GPC5: variants seen among roughly 807,000 people sequenced by gnomAD.
The protein encoded by GPC5 is glypican-5.
In GPC5, 47 loss-of-function variants were observed where a neutral mutation model predicts 53.9. The observed-to-expected ratio is 0.87, with a 90% CI of 0.69 to 1.11. The LOEUF is 1.11. Ranked by LOEUF, GPC5 falls within the 50% of genes most tolerant of loss-of-function variation. GPC5 has a pLI of 0.00. For missense variants in GPC5, 748 were observed against 713.1 expected (o/e 1.05, Z -0.56); for synonymous variants, 286 against 263.3 (o/e 1.09, Z -0.84).
At chr13:91,588,872 G>T (rs904810173) in intron 2 of GPC5, among the ~76,000 whole-genome samples, 4 of 152,082 alleles carry the variant, frequency 2.6e-5, no homozygotes, top group Non-Finnish European at 5.9e-5. Flanking sequence ...TGGAGCTGCT[G>T]TGTCATTGTC....
chr13:91,619,162 G>A (rs113477475), intron 2 of GPC5, among the ~76,000 whole-genome samples: 23 of 152,042 alleles, frequency 1.5e-4, no homozygotes, highest in African/African-American at 4.6e-4. Flanking sequence ...AGAGGAAATC[G>A]AATATGAGCT....
At position 91,764,430 on chromosome 13, in the gene GPC5, T is replaced by C. The variant is rs2138672375; in HGVS notation, c.1280+8010T>C. Among the ~76,000 whole-genome samples, 2 of 152,332 alleles carry C rather than the reference T, an allele frequency of 1.3e-5. 1 individual carries two copies. ...TCAGAAAGCCAGACTCAGAAAGGTC[T>C]GAGTAGAAACATTAAATCCTCTAGG... On this transcript the variant is annotated intron_variant, in intron 5 of 7. Coordinates refer to ENST00000377067, the MANE Select transcript of GPC5 (RefSeq NM_004466.6).
intron 6 of GPC5, among the ~76,000 whole-genome samples, chr13:92,074,077 A>T (rs2041234180): frequency 6.6e-6 from 1 of 152,062 alleles, no homozygotes; most frequent in African/African-American, 2.4e-5. Context: ...AATTTTGTGA[A>T]CAGCTGGTGT....
At chr13:92,139,836 A>G (rs947747006) in intron 6 of GPC5, among the ~76,000 whole-genome samples, 2 of 152,120 alleles carry the variant, frequency 1.3e-5, no homozygotes, top group Non-Finnish European at 2.9e-5. Flanking sequence ...TCCATTAGAT[A>G]TAGAGGGCAT....
chr13:92,595,070 T>TG (rs1883826142), intron 7 of GPC5, among the ~76,000 whole-genome samples: 1 of 152,192 alleles, frequency 6.6e-6, no homozygotes, highest in South Asian at 2.1e-4. Flanking sequence ...GTTTTCCAAA[T>TG]CATTACCTAG....
rs540378004 is a variant in GPC5, at chr13:92,855,767, C to A, written c.1562-10515C>A. On this transcript the variant is annotated intron_variant, in intron 7 of 7. Coordinates refer to ENST00000377067, the MANE Select transcript of GPC5 (RefSeq NM_004466.6). ...AAAATCTTGAGAAAATGGATAAATT[C>A]CTAGAAACACACCACCTCCCAAGAT... 3.3e-5 allele frequency among the ~76,000 whole-genome samples: 5 copies of A among 152,042 alleles called. No individual in the cohort carries two copies. The South Asian group carries it at 1.0e-3, about 32-fold the overall frequency.
At chr13:92,218,979 C>A (rs141662741) in intron 7 of GPC5, among the ~76,000 whole-genome samples, 1 of 152,130 alleles carries the variant, frequency 6.6e-6, no homozygotes, top group East Asian at 1.9e-4. Context: ...TCAGGCCCAA[C>A]GTTAAAGGAA....
At chr13:92,068,922 A>G (rs2041188395) in intron 6 of GPC5, among the ~76,000 whole-genome samples, 5 of 151,774 alleles carry the variant, frequency 3.3e-5, no homozygotes, top group Admixed American at 3.3e-4. Context: ...GTTGCTTGTA[A>G]TTTGGTGTCA....
intron 5 of GPC5, among the ~76,000 whole-genome samples, chr13:91,783,989 A>G (rs1293257453): frequency 1.3e-5 from 2 of 152,220 alleles, no homozygotes; most frequent in Non-Finnish European, 2.9e-5. Context: ...ACATCTTCCC[A>G]GATGGACAAG....
rs953946598 is a variant in GPC5 at position 92,776,258 on chromosome 13, C to T, written c.1562-90024C>T. 5.9e-5 allele frequency among the ~76,000 whole-genome samples: 9 copies of T among 152,074 alleles called. No homozygotes were observed. In the South Asian group the frequency reaches 1.2e-3, roughly 21 times the overall value. Reference sequence around the variant, plus strand: ...GTAGCGTCTTTAAATCTCAGACTCTCTCTCTTCCTCCCTCTGTCTCCTTTC... The same window carrying T: ...GTAGCGTCTTTAAATCTCAGACTCTTTCTCTTCCTCCCTCTGTCTCCTTTC... On this transcript the variant is annotated intron_variant, in intron 7 of 7. Coordinates refer to ENST00000377067, the MANE Select transcript of GPC5 (RefSeq NM_004466.6).
chr13:91,750,955 C>A (rs2037162949), intron 4 of GPC5, among the ~76,000 whole-genome samples: 1 of 144,388 alleles, frequency 6.9e-6, no homozygotes, highest in Non-Finnish European at 1.5e-5. Flanking sequence ...AGCCATTGCG[C>A]CTGGCCGGTA....
At chr13:91,947,391 C>T (rs1274239670) in intron 6 of GPC5, among the ~76,000 whole-genome samples, 4 of 152,148 alleles carry the variant, frequency 2.6e-5, no homozygotes, top group African/African-American at 7.2e-5. Context: ...CTTTCTGGGT[C>T]AGGAATTCTT....
chr13:92,645,492 A>G (rs1379066232), intron 7 of GPC5, among the ~76,000 whole-genome samples: 4 of 152,216 alleles, frequency 2.6e-5, no homozygotes, highest in Admixed American at 6.5e-5. Flanking sequence ...AGCATAATGC[A>G]TTTTAAAGTA....
chr13:91,968,740 G>A (rs897226691), intron 6 of GPC5, among the ~76,000 whole-genome samples: 4 of 152,066 alleles, frequency 2.6e-5, no homozygotes, highest in African/African-American at 9.7e-5. Flanking sequence ...GGGATTACAG[G>A]CGTGAGCCAC....
chr13:91,723,261 C>T (rs955755272), intron 3 of GPC5, among the ~76,000 whole-genome samples: 8 of 151,490 alleles, frequency 5.3e-5, no homozygotes, highest in African/African-American at 1.9e-4. Context: ...GTATATTATA[C>T]GAGTTCTCTT....
chr13:91,487,515 A>C (rs944545765), intron 2 of GPC5, among the ~76,000 whole-genome samples: 2 of 152,154 alleles, frequency 1.3e-5, no homozygotes, highest in Non-Finnish European at 2.9e-5. Context: ...TTCAGATAGA[A>C]AAGGGAATAC....
chr13:92,082,902 A>G (rs1301906755), intron 6 of GPC5, among the ~76,000 whole-genome samples: 1 of 152,206 alleles, frequency 6.6e-6, no homozygotes, highest in Non-Finnish European at 1.5e-5. Context: ...CCCAGTACAG[A>G]GATGTGTCTA....
At chr13:92,327,534 T>C (rs1034821364) in intron 7 of GPC5, among the ~76,000 whole-genome samples, 1 of 152,098 alleles carries the variant, frequency 6.6e-6, no homozygotes, top group Non-Finnish European at 1.5e-5. Context: ...TCAGGGAAAA[T>C]GGTGCATCTG....
In GPC5 at chr13:92,461,680, A is replaced by G. The variant is rs117819821; in HGVS notation, c.1561+316691A>G. Among the ~76,000 whole-genome samples, 399 of 152,294 alleles carry G rather than the reference A, an allele frequency of 2.6e-3. 3 individuals carry two copies. The highest frequency in any genetic ancestry group is 4.9e-3 in the Non-Finnish European group (331 of 68,030). ...TAATGCCTTTGTAAGAAGAGACACT[A>G]GAGAGCTTGCCTCCTTTCTCTGCTT... is the stretch of plus-strand genomic sequence containing the variant. On this transcript the variant is annotated intron_variant, in intron 7 of 7. Coordinates refer to ENST00000377067, the MANE Select transcript of GPC5 (RefSeq NM_004466.6).
Sources: gnomAD v4.1 joint callset for allele counts (sites outside exome capture counted in the v4.1 genomes callset) on GRCh38, gnomAD v4.1.1 for gene constraint, MANE v1.5 for transcripts, NCBI Gene and HGNC (gene_info 2026-07-23, HGNC 2026-07-21) for gene names.